The following ESR1 variants were observed in gnomAD, a reference collection of about 807,000 sequenced individuals.
The protein encoded by ESR1 is estrogen receptor 1.
A neutral mutation model predicts 52.7 loss-of-function variants in ESR1; 12 were observed. The observed-to-expected ratio is 0.23, with a 90% CI of 0.15 to 0.37. The LOEUF is 0.37. Among genes scored for constraint, ESR1 ranks in the 10% least tolerant of loss-of-function variants. The pLI is 1.00. For missense variants in ESR1, 584 were observed against 779.7 expected, an observed-to-expected ratio of 0.75 and a Z score of 2.99; for synonymous variants, 305 against 316.8, an observed-to-expected ratio of 0.96 and a Z score of 0.39.
At chr6:151,980,592 A>G (rs2039897695) in intron 4 of ESR1, among the ~76,000 whole-genome samples, 1 of 152,180 alleles carries the variant, frequency 6.6e-6, no homozygotes, top group Admixed American at 6.5e-5. Context: ...TTCTCTTTGG[A>G]GTAGCCCTTA....
At chr6:151,838,168 G>A (rs1224484610) in intron 1 of ESR1, among the ~76,000 whole-genome samples, 3 of 152,172 alleles carry the variant, frequency 2.0e-5, no homozygotes, top group Non-Finnish European at 4.4e-5. Flanking sequence ...CCCAGCAAGA[G>A]ACATTCATTT....
chr6:151,956,799 T>A (rs2036971734), intron 4 of ESR1, among the ~76,000 whole-genome samples: 2 of 141,072 alleles, frequency 1.4e-5, no homozygotes, highest in South Asian at 4.3e-4. Context: ...CATACATATA[T>A]ATGTAAATAT....
intron 1 of ESR1, among the ~76,000 whole-genome samples, chr6:151,695,128 C>A (rs1779239571): frequency 6.6e-6 from 1 of 152,196 alleles, no homozygotes; most frequent in Non-Finnish European, 1.5e-5. Context: ...AGACAAGTAG[C>A]TAGGAGCTTC....
chr6:152,128,216 T>C (rs1425452029), exon 7 of ESR1: 1 of 152,234 alleles, frequency 6.6e-6, no homozygotes, highest in East Asian at 1.9e-4. Flanking sequence ...TCATAAGCAT[T>C]TGCTTTGAAA....
intron 1 of ESR1, among the ~76,000 whole-genome samples, chr6:151,841,848 G>T (rs147984741): frequency 2.0e-5 from 3 of 152,084 alleles, no homozygotes; most frequent in Non-Finnish European, 4.4e-5. Context: ...AAGTAGCTAG[G>T]ACTACAGTCA....
intron 2 of ESR1, among the ~76,000 whole-genome samples, chr6:151,769,111 G>A (rs1022877099): frequency 3.3e-5 from 5 of 152,114 alleles, no homozygotes; most frequent in East Asian, 1.9e-4. Flanking sequence ...ATTGACTTAC[G>A]TATTTAGGTA....
intron 4 of ESR1, 131 bp downstream of exon 4, chr6:151,944,639 G>A: frequency 1.3e-6 from 1 of 786,226 alleles, no homozygotes; most frequent in Non-Finnish European, 2.2e-6. Flanking sequence ...TACAGGAGAT[G>A]TGTTCATTTT....
chr6:151,840,125 G>A (rs990074466), intron 1 of ESR1, among the ~76,000 whole-genome samples: 6 of 152,150 alleles, frequency 3.9e-5, no homozygotes, highest in Non-Finnish European at 5.9e-5. Context: ...TGGGCACTGA[G>A]CTAGATATAA....
chr6:151,991,265 A>G (rs1000360551), intron 4 of ESR1, among the ~76,000 whole-genome samples: 10 of 152,216 alleles, frequency 6.6e-5, no homozygotes, highest in Admixed American at 6.5e-4. Context: ...ATGTTCCTGA[A>G]CTTCTTTACC....
intron 2 of ESR1, among the ~76,000 whole-genome samples, chr6:151,743,969 A>G (rs1393976665): frequency 2.0e-5 from 3 of 152,072 alleles, no homozygotes; most frequent in Middle Eastern, 3.4e-3. Flanking sequence ...GTGGAGTACT[A>G]TTCTGGAAAT....
intron 3 of ESR1, among the ~76,000 whole-genome samples, chr6:151,924,594 T>C (rs1174782774): frequency 6.6e-6 from 1 of 152,046 alleles, no homozygotes; most frequent in Admixed American, 6.6e-5. Flanking sequence ...TCCCACTCTG[T>C]TCCCTCACGT....
chr6:151,857,487 ACCCACC>A (rs1788060994), intron 2 of ESR1, among the ~76,000 whole-genome samples: 1 of 149,742 alleles, frequency 6.7e-6, no homozygotes, highest in Non-Finnish European at 1.5e-5. Flanking sequence ...AAACACACCC[ACCCACC>A]CACACACACA....
Position 152,111,377 on chromosome 6 carries a change from C to T in ESR1, c.851-13889C>T, listed in dbSNP as rs528111749. Among the ~76,000 whole-genome samples, 3 of 152,332 alleles carry T rather than the reference C, an allele frequency of 2.0e-5. No homozygotes were observed. In the East Asian group the frequency reaches 5.8e-4, roughly 29 times the overall value. ...CACTCCAAAGTGGCAGACGCTAGGC[C>T]GTTTGCCAAGAGCCAGTCGCCCCAA... On this transcript the variant is annotated intron_variant, in intron 6 of 6. Transcript: ENST00000427531.
At chr6:151,801,822 C>T (rs1777274890), upstream of ESR1, among the ~76,000 whole-genome samples, 2 of 152,244 alleles carry the variant, frequency 1.3e-5, no homozygotes, top group Non-Finnish European at 2.9e-5. Flanking sequence ...GAGGATAGCT[C>T]CGTCCTTTGA....
At chr6:152,123,439 A>G (rs2813559) in intron 6 of ESR1, among the ~76,000 whole-genome samples, 35,312 of 152,106 alleles carry the variant, frequency 0.23, 4,260 homozygotes, top group African/African-American at 0.3. Context: ...TCTACACTCA[A>G]AGTGACAAGT....
At chr6:151,997,092 C>T (rs978462369) in intron 4 of ESR1, among the ~76,000 whole-genome samples, 2 of 149,906 alleles carry the variant, frequency 1.3e-5, no homozygotes, top group East Asian at 4.0e-4. Context: ...AAAAAAAAAA[C>T]AAAGCAACAC....
At chr6:151,824,985 G>A (rs6936294) in intron 1 of ESR1, among the ~76,000 whole-genome samples, 21 of 152,172 alleles carry the variant, frequency 1.4e-4, no homozygotes, top group African/African-American at 4.8e-4. Flanking sequence ...TTTTGTGAAT[G>A]AGTAAGATCA....
chr6:151,824,424 C>T (rs943274453), intron 1 of ESR1, among the ~76,000 whole-genome samples: 24 of 152,072 alleles, frequency 1.6e-4, no homozygotes, highest in African/African-American at 5.6e-4. Flanking sequence ...TTGTAGGTTG[C>T]CTGTTCACTC....
At chr6:151,713,548 C>T (rs1481125657) in intron 2 of ESR1, among the ~76,000 whole-genome samples, 2 of 152,142 alleles carry the variant, frequency 1.3e-5, no homozygotes, top group Admixed American at 6.5e-5. Context: ...GATTTGACTT[C>T]TTCCTGGTTT....
Sources: allele counts gnomAD v4.1 joint callset (sites outside exome capture counted in the v4.1 genomes callset), GRCh38; gene constraint gnomAD v4.1.1; transcripts MANE v1.5; gene names NCBI Gene and HGNC (gene_info 2026-07-23, HGNC 2026-07-21).